The following ATP9A variants were observed in gnomAD, a reference collection of about 807,000 sequenced individuals.
The protein encoded by ATP9A is ATPase phospholipid transporting 9A, also known as probable phospholipid-transporting ATPase IIA.
A neutral mutation model predicts 144.1 loss-of-function variants in ATP9A; 52 were observed. The observed-to-expected ratio is 0.36, with a 90% CI of 0.29 to 0.45. The LOEUF is 0.45. Among genes scored for constraint, ATP9A ranks in the 20% least tolerant of loss-of-function variants. The pLI is 1.00. For missense variants in ATP9A, 947 were observed against 1,392.7 expected (o/e 0.68, Z 5.09); for synonymous variants, 582 against 557.4 (o/e 1.04, Z -0.62).
At chr20:51,670,484 G>A (rs1601094403) in intron 12 of ATP9A, among the ~76,000 whole-genome samples, 1 of 152,312 alleles carries the variant, frequency 6.6e-6, no homozygotes, top group East Asian at 1.9e-4. Flanking sequence ...CCTAATGGCA[G>A]AGCCCTACAG....
Position 51,599,259 on chromosome 20 carries a change from T to C in ATP9A, c.*1952A>G, listed in dbSNP as rs1406318165. On this transcript the variant is annotated 3_prime_UTR_variant, in exon 28 of 28. Coordinates refer to ENST00000338821, the MANE Select transcript of ATP9A (RefSeq NM_006045.3). Reference sequence around the variant, plus strand: ...GACTTCCCAGCGTTACAGAGCCAGGTTCAGCATCTGCAAAGTCTAAATGGG... The same window carrying C: ...GACTTCCCAGCGTTACAGAGCCAGGCTCAGCATCTGCAAAGTCTAAATGGG... 1 of 152,182 alleles carries C rather than the reference T, an allele frequency of 6.6e-6. No individual in the cohort carries two copies. The highest frequency in any genetic ancestry group is 2.4e-5 in the African/African-American group (1 of 41,446). The allele number at this position is 152,182 out of a possible 1,614,324, so 9.4% of individuals were successfully genotyped here.
intron 14 of ATP9A, among the ~76,000 whole-genome samples, chr20:51,640,121 G>C (rs919364486): frequency 2.0e-5 from 3 of 152,060 alleles, no homozygotes; most frequent in African/African-American, 7.2e-5. Flanking sequence ...CCGAAAAAAG[G>C]AGCAATTGGC....
intron 7 of ATP9A, among the ~76,000 whole-genome samples, chr20:51,691,460 C>G (rs2077548137): frequency 6.6e-6 from 1 of 152,150 alleles, no homozygotes; most frequent in South Asian, 2.1e-4. Flanking sequence ...CAGAGCGAGA[C>G]TCCGTCTCAA....
chr20:51,765,293 C>T (rs1380348450), intron 1 of ATP9A, among the ~76,000 whole-genome samples: 2 of 152,108 alleles, frequency 1.3e-5, no homozygotes, highest in Non-Finnish European at 2.9e-5. Context: ...AGATTATATA[C>T]AAGAGCATTT....
chr20:51,763,354 C>G (rs2122924152), intron 1 of ATP9A, among the ~76,000 whole-genome samples: 1 of 150,778 alleles, frequency 6.6e-6, no homozygotes, highest in Middle Eastern at 3.4e-3. Flanking sequence ...GCTGTGTCGC[C>G]CAGGCTACAG....
intron 1 of ATP9A, among the ~76,000 whole-genome samples, chr20:51,745,306 G>T (rs971603509): frequency 1.3e-5 from 2 of 151,424 alleles, no homozygotes; most frequent in Admixed American, 6.6e-5. Context: ...ATGGTGGCGG[G>T]TGCCTGTAGT....
At chr20:51,610,846 G>C (rs1280725987) in intron 23 of ATP9A, among the ~76,000 whole-genome samples, 1 of 152,198 alleles carries the variant, frequency 6.6e-6, no homozygotes, top group Non-Finnish European at 1.5e-5. Flanking sequence ...GGAAATTTTT[G>C]AAAAGAGCAT....
chr20:51,687,254 G>A (rs957655866), intron 9 of ATP9A, among the ~76,000 whole-genome samples: 1 of 152,086 alleles, frequency 6.6e-6, no homozygotes, highest in African/African-American at 2.4e-5. Flanking sequence ...AGTCATCAGG[G>A]GGACTGAGAG....
chr20:51,690,939 A>C, intron 7 of ATP9A, 120 bp from the exon 8 acceptor site: 2 of 783,256 alleles, frequency 2.6e-6, no homozygotes, highest in Non-Finnish European at 4.3e-6. Flanking sequence ...GCCCCTCAAA[A>C]TTACAGGGGA....
chr20:51,692,732 G>A (rs1040280681), intron 7 of ATP9A, among the ~76,000 whole-genome samples: 1 of 152,172 alleles, frequency 6.6e-6, no homozygotes, highest in African/African-American at 2.4e-5. Flanking sequence ...AACCCAGGAG[G>A]TGGAGGTTGC....
intron 1 of ATP9A, among the ~76,000 whole-genome samples, chr20:51,756,383 T>C (rs1214911411): frequency 1.3e-5 from 2 of 151,952 alleles, no homozygotes; most frequent in Non-Finnish European, 2.9e-5. Context: ...CTCCGCTTCC[T>C]GGGTTAAAGC....
At chr20:51,719,783 ACGCCTATAATCCCAATACTTTGG>A (rs374025864) in intron 3 of ATP9A, among the ~76,000 whole-genome samples, 12,789 of 150,892 alleles carry the variant, frequency 0.085, 645 homozygotes, top group African/African-American at 0.14. Flanking sequence ...ACAGTGGCTC[ACGCCTATAATCCCAATACTTTGG>A]GAGGCCAAGG....
intron 15 of ATP9A, among the ~76,000 whole-genome samples, chr20:51,629,791 C>CAGTTTCT (rs2077263333): frequency 6.6e-6 from 1 of 152,212 alleles, no homozygotes; most frequent in African/African-American, 2.4e-5. Flanking sequence ...GACCAAGTAC[C>CAGTTTCT]AGTTTCTAGT....
chr20:51,765,371 T>C (rs924862105), intron 1 of ATP9A, among the ~76,000 whole-genome samples: 5 of 152,038 alleles, frequency 3.3e-5, no homozygotes, highest in Non-Finnish European at 7.4e-5. Context: ...AAGAAATAGA[T>C]TGGCCAGACA....
At chr20:51,745,225 C>T (rs1478471433) in intron 1 of ATP9A, among the ~76,000 whole-genome samples, 1 of 149,522 alleles carries the variant, frequency 6.7e-6, no homozygotes, top group Non-Finnish European at 1.5e-5. Context: ...CAAGATCATG[C>T]CACTGCACTC....
intron 14 of ATP9A, among the ~76,000 whole-genome samples, chr20:51,656,552 C>T (rs1601086072): frequency 6.6e-6 from 1 of 151,482 alleles, no homozygotes; most frequent in South Asian, 2.1e-4. Flanking sequence ...GACTGTATCT[C>T]GGGGAAAAAA....
chr20:51,674,505 G>A (rs1487227760), intron 10 of ATP9A, among the ~76,000 whole-genome samples, 192 bp from the exon 11 acceptor site: 1 of 152,038 alleles, frequency 6.6e-6, no homozygotes, highest in Non-Finnish European at 1.5e-5. Flanking sequence ...CATATCTTTG[G>A]TCTAAGAACA....
intron 4 of ATP9A, among the ~76,000 whole-genome samples, chr20:51,709,180 T>C (rs1233950612): frequency 1.3e-5 from 2 of 152,106 alleles, no homozygotes; most frequent in Admixed American, 6.5e-5. Context: ...ACCCCAGATA[T>C]ACCTATATGT....
intron 1 of ATP9A, 76 bp from the exon 2 acceptor site, chr20:51,730,054 G>C (rs114337764): frequency 7.3e-7 from 1 of 1,369,252 alleles, no homozygotes; most frequent in Non-Finnish European, 9.5e-7. Context: ...ACTCTTCGCA[G>C]ATTGCTTTTC....
Sources: gnomAD v4.1 joint callset for allele counts (sites outside exome capture counted in the v4.1 genomes callset) on GRCh38, gnomAD v4.1.1 for gene constraint, MANE v1.5 for transcripts, NCBI Gene and HGNC (gene_info 2026-07-23, HGNC 2026-07-21) for gene names.